Variants in MTF2 observed in about 807,000 individuals in gnomAD.
MTF2 encodes the protein metal response element binding transcription factor 2, also known as metal-response element-binding transcription factor 2.
A neutral mutation model predicts 79.5 loss-of-function variants in MTF2; 11 were observed. The observed-to-expected ratio is 0.14, with a 90% CI of 0.09 to 0.23. The LOEUF (loss-of-function observed/expected upper bound fraction) is 0.23, where lower values mean the gene tolerates loss of function less well. Ranked by LOEUF, MTF2 falls within the 10% of genes least tolerant of loss-of-function variation. MTF2 has a pLI of 1.00. For missense variants in MTF2, 486 were observed against 711.2 expected (o/e 0.68, Z 3.60); for synonymous variants, 208 against 232.8 (o/e 0.89, Z 0.97).
rs146630098 is a variant in MTF2, at chr1:93,095,105, C to T, written c.6-15125C>T. On this transcript the variant is annotated intron_variant, in intron 1 of 14. Transcript: ENST00000370298. The stretch of plus-strand genomic sequence containing the variant: ...TATAGCTCACTGCCATTATAGCTCA[C>T]TGCTGCCTCAAACTCCTGGGCTCAA... Among the ~76,000 whole-genome samples the T allele has an allele frequency of 7.9e-3, 1,203 of 152,230 alleles. 22 individuals are homozygous for T. The highest frequency in any genetic ancestry group is 0.027 in the African/African-American group (1,128 of 41,534).
At chr1:93,112,226 T>C (rs777623616) in intron 3 of MTF2, among the ~76,000 whole-genome samples, 9 of 152,212 alleles carry the variant, frequency 5.9e-5, no homozygotes, top group South Asian at 2.1e-4. Context: ...ATGAAACTTA[T>C]AGTTGCTATA....
At chr1:93,095,992 T>A (rs1385876980) in intron 1 of MTF2, among the ~76,000 whole-genome samples, 1 of 152,222 alleles carries the variant, frequency 6.6e-6, no homozygotes, top group South Asian at 2.1e-4. Context: ...GACCTCTGTC[T>A]TTTGAGTCTT....
chr1:93,118,024 TA>T (rs955314137), intron 6 of MTF2, among the ~76,000 whole-genome samples: 1 of 150,890 alleles, frequency 6.6e-6, no homozygotes, highest in South Asian at 2.1e-4. Flanking sequence ...CTTGCCTCTT[TA>T]AAAAAAAATA....
intron 1 of MTF2, among the ~76,000 whole-genome samples, chr1:93,107,898 A>C (rs905015489): frequency 4.6e-5 from 7 of 152,096 alleles, no homozygotes; most frequent in African/African-American, 1.7e-4. Context: ...CTCCCACCCC[A>C]GACTCCTGAG....
At chr1:93,129,532 T>G (rs1656832666) in intron 11 of MTF2, 84 bp downstream of exon 11, 11 of 1,151,636 alleles carry the variant, frequency 9.6e-6, no homozygotes, top group Non-Finnish European at 1.3e-5. Context: ...TTAGTATATT[T>G]GAAAGTACAA....
In MTF2 at chr1:93,137,161, A is replaced by T; in HGVS notation, c.*134A>T. On this transcript the variant is annotated 3_prime_UTR_variant, in exon 15 of 15. Transcript: ENST00000370298. ...AAAAAAATTCAAAAAAGGGGATGAT[A>T]CTAGCCTTAACATGTACCTGTCAAT... is the stretch of plus-strand genomic sequence containing the variant. 1.5e-6 allele frequency: 1 copy of T among 649,642 alleles called. No individual in the cohort carries two copies. The highest frequency in any genetic ancestry group is 2.6e-6 in the Non-Finnish European group (1 of 390,724). 40.2% of individuals were successfully genotyped at this position (649,642 alleles called of 1,614,324 possible).
At chr1:93,105,639 A>G (rs1178846886) in intron 1 of MTF2, among the ~76,000 whole-genome samples, 1 of 151,784 alleles carries the variant, frequency 6.6e-6, no homozygotes, top group Non-Finnish European at 1.5e-5. Flanking sequence ...CCCAAAAATG[A>G]TTTGTGAATG....
Position 93,110,348 on chromosome 1 carries a change from C to T in MTF2, c.124C>T (p.Pro42Ser). The change falls in exon 2 of 15, where the codon CCA becomes TCA. Residue 42 changes from proline to serine, a missense_variant. By Grantham distance (74) the Pro-to-Ser change is moderately conservative. This residue lies in a region of MTF2 where 75 missense variants were observed against 83.8 expected (regional missense o/e 0.89). Coordinates refer to ENST00000370298, the MANE Select transcript of MTF2 (RefSeq NM_007358.4). Reference protein sequence around the residue: ...SLQDGHKAKKPACKFEEGQDV... With the variant: ...SLQDGHKAKKSACKFEEGQDV... Reference sequence around the variant, plus strand: ...ACAGGATGGACATAAAGCCAAAAAGCCAGCATGTAAATTTGAAGAGGGTCA... The same window carrying T: ...ACAGGATGGACATAAAGCCAAAAAGTCAGCATGTAAATTTGAAGAGGGTCA... The T allele has an allele frequency of 6.2e-7, 1 of 1,614,078 alleles. No homozygotes were observed. The highest frequency in any genetic ancestry group is 8.5e-7 in the Non-Finnish European group (1 of 1,180,028).
At chr1:93,118,925 A>G (rs1656358623) in intron 7 of MTF2, among the ~76,000 whole-genome samples, 1 of 152,252 alleles carries the variant, frequency 6.6e-6, no homozygotes, top group Non-Finnish European at 1.5e-5. Context: ...GGCTTATGCC[A>G]CTTAATTTTC....
At chr1:93,105,652 TA>T (rs1444285400) in intron 1 of MTF2, among the ~76,000 whole-genome samples, 1 of 151,264 alleles carries the variant, frequency 6.6e-6, no homozygotes, top group Non-Finnish European at 1.5e-5. Context: ...TGTGAATGAA[TA>T]TGTTGAATGT....
At chr1:93,104,760 TA>T (rs1655693295) in intron 1 of MTF2, among the ~76,000 whole-genome samples, 1 of 151,762 alleles carries the variant, frequency 6.6e-6, no homozygotes, top group South Asian at 2.1e-4. Flanking sequence ...ACTCCTTAAA[TA>T]TAGGCGTTTC....
chr1:93,091,943 A>G (rs1025847457), intron 1 of MTF2, among the ~76,000 whole-genome samples: 3 of 152,196 alleles, frequency 2.0e-5, no homozygotes, highest in African/African-American at 7.2e-5. Flanking sequence ...ATCTCCAAGA[A>G]GTCCTTTTGT....
chr1:93,102,447 C>T (rs369609512), intron 1 of MTF2, among the ~76,000 whole-genome samples: 12 of 151,974 alleles, frequency 7.9e-5, no homozygotes, highest in African/African-American at 2.7e-4. Context: ...ATCAGGTGGG[C>T]GTGGTGGCAT....
Position 93,098,604 on chromosome 1 carries a change from A to G in MTF2, c.6-11626A>G, listed in dbSNP as rs536743891. ...GGTATGGATGTTTTGGTTGGTTAAAATGTTCTGTTTAATTAAAGTATACTC... is the reference window on the plus strand; with the variant it reads ...GGTATGGATGTTTTGGTTGGTTAAAGTGTTCTGTTTAATTAAAGTATACTC... On this transcript the variant is annotated intron_variant, in intron 1 of 14. Transcript: ENST00000370298. Among the ~76,000 whole-genome samples, 5 of 152,308 alleles carry G rather than the reference A, an allele frequency of 3.3e-5. No individual in the cohort carries two copies. In the East Asian group the frequency reaches 9.6e-4, roughly 29 times the overall value.
At position 93,118,408 on chromosome 1, in the gene MTF2, A is replaced by G. The variant is rs200173529; in HGVS notation, c.696A>G (p.Gln232=). 32 of 1,603,020 alleles carry G rather than the reference A, an allele frequency of 2.0e-5. No individual in the cohort carries two copies. Among genetic ancestry groups the G allele is most frequent in the South Asian group, 9.0e-5 (8 of 89,324 alleles). Residue 232 remains glutamine (Q), a synonymous_variant, in exon 7 of 15, where the codon CAA becomes CAG. Transcript: ENST00000370298. ...CKQWFHEACV[Q]CLQKPMLFGD... ...AGTGGTTTCATGAGGCTTGTGTGCAATGCCTTCAAAAGCCAATGCTATTTG... is the reference window on the plus strand; with the variant it reads ...AGTGGTTTCATGAGGCTTGTGTGCAGTGCCTTCAAAAGCCAATGCTATTTG...
At chr1:93,085,949 A>C (rs1479102942) in intron 1 of MTF2, among the ~76,000 whole-genome samples, 1 of 152,234 alleles carries the variant, frequency 6.6e-6, no homozygotes, top group Non-Finnish European at 1.5e-5. Context: ...GTTTGTTATC[A>C]GTATTATGTA....
intron 11 of MTF2, among the ~76,000 whole-genome samples, chr1:93,131,148 C>T (rs1452114372): frequency 6.6e-6 from 1 of 151,904 alleles, no homozygotes; most frequent in African/African-American, 2.4e-5. Flanking sequence ...GGGATCATGT[C>T]CTGATATCAT....
At chr1:93,127,367 G>A (rs1656742477) in intron 10 of MTF2, 68 bp downstream of exon 10, 5 of 1,029,566 alleles carry the variant, frequency 4.9e-6, no homozygotes, top group South Asian at 1.3e-5. Context: ...TAATGGCATT[G>A]TTTAAGAATT....
intron 9 of MTF2, among the ~76,000 whole-genome samples, chr1:93,123,244 A>T (rs4589124): frequency 1.5e-5 from 2 of 135,982 alleles, no homozygotes; most frequent in South Asian, 2.4e-4. Context: ...GAGACAGGAC[A>T]GGAGAGTCTC....
Sources: allele counts gnomAD v4.1 joint callset (sites outside exome capture counted in the v4.1 genomes callset), GRCh38; gene constraint gnomAD v4.1.1; regional missense constraint gnomAD v4.1.1; transcripts MANE v1.5; gene names NCBI Gene and HGNC (gene_info 2026-07-23, HGNC 2026-07-21).